The following CRACR2A variants were observed in gnomAD, a reference collection of about 807,000 sequenced individuals.
CRACR2A encodes the protein EF-hand calcium-binding domain-containing protein 4B.
In CRACR2A, 79 loss-of-function variants were observed where a neutral mutation model predicts 90.5. That is an observed-to-expected ratio of 0.87 (90% CI 0.73 to 1.05). The LOEUF is 1.05. Ranked by LOEUF, CRACR2A falls within the 50% of genes least tolerant of loss-of-function variation. The pLI, the probability that CRACR2A is intolerant of heterozygous loss-of-function variation, is 0.00. For synonymous variants in CRACR2A, 338 were observed against 356.7 expected, an observed-to-expected ratio of 0.95 and a Z score of 0.59; for missense variants, 823 against 897.2, an observed-to-expected ratio of 0.92 and a Z score of 1.06.
chr12:3,654,261 A>G lies in CRACR2A; in HGVS notation c.997T>C (p.Leu333=). 2 of 1,613,708 alleles carry G rather than the reference A, an allele frequency of 1.2e-6. No individual in the cohort carries two copies. The highest frequency in any genetic ancestry group is 1.7e-6 in the Non-Finnish European group (2 of 1,179,900). The part of the protein sequence containing the change: ...SWELQDAQQQ[L]ESLQQEACKL... ...CAGGCCTCTTGCTGGAGGCTTTCCA[A>G]CTGCTGCTGAGCATCCTGGAGCTCC... Residue 333 remains leucine, a synonymous_variant, in exon 10 of 20, where the codon TTG becomes CTG. Coordinates refer to ENST00000440314, the MANE Select transcript of CRACR2A (RefSeq NM_001144958.2).
intron 11 of CRACR2A, among the ~76,000 whole-genome samples, chr12:3,645,402 C>T (rs573242235): frequency 5.7e-4 from 87 of 152,066 alleles, no homozygotes; most frequent in African/African-American, 1.9e-3. Flanking sequence ...GGAGATGAAG[C>T]GAGAGAAAAA....
chr12:3,718,169 C>T (rs1388361750), intron 2 of CRACR2A, among the ~76,000 whole-genome samples: 1 of 152,176 alleles, frequency 6.6e-6, no homozygotes, highest in Non-Finnish European at 1.5e-5. Context: ...AGGGTATGAC[C>T]CATACTTAGT....
chr12:3,676,762 A>G (rs1478342641), intron 6 of CRACR2A, among the ~76,000 whole-genome samples: 1 of 152,158 alleles, frequency 6.6e-6, no homozygotes, highest in Non-Finnish European at 1.5e-5. Flanking sequence ...ATTACAGCAA[A>G]CCAAATGGAC....
At chr12:3,719,645 T>A (rs1239508506) in intron 2 of CRACR2A, among the ~76,000 whole-genome samples, 2 of 152,208 alleles carry the variant, frequency 1.3e-5, no homozygotes, top group Non-Finnish European at 2.9e-5. Flanking sequence ...CTCTGAGATA[T>A]TTAATACTAG....
chr12:3,620,796 G>A (rs1350219163), intron 17 of CRACR2A, among the ~76,000 whole-genome samples: 5 of 152,172 alleles, frequency 3.3e-5, no homozygotes, highest in South Asian at 2.1e-4. Context: ...ACTCAAAGGC[G>A]CTACAAGATC....
At chr12:3,728,718 A>G (rs1269197327) in intron 2 of CRACR2A, 1 of 152,312 alleles carries the variant, frequency 6.6e-6, no homozygotes, top group Non-Finnish European at 1.5e-5. Flanking sequence ...CAGGATAAAC[A>G]AATGGCCAGG....
chr12:3,676,955 C>A (rs1945346469), intron 6 of CRACR2A, among the ~76,000 whole-genome samples: 1 of 152,166 alleles, frequency 6.6e-6, no homozygotes, highest in African/African-American at 2.4e-5. Flanking sequence ...ATGGCAACAA[C>A]AACTTGCCCC....
chr12:3,708,463 C>T (rs540870018), intron 3 of CRACR2A, among the ~76,000 whole-genome samples: 9 of 152,180 alleles, frequency 5.9e-5, no homozygotes, highest in Non-Finnish European at 1.3e-4. Context: ...CTCACTCAGT[C>T]GCCCAGGCTG....
intron 3 of CRACR2A, among the ~76,000 whole-genome samples, chr12:3,710,368 C>A (rs991312290): frequency 6.6e-6 from 1 of 152,104 alleles, no homozygotes; most frequent in South Asian, 2.1e-4. Flanking sequence ...GGCCTATAAA[C>A]AATAGACATT....
At chr12:3,693,411 C>T (rs895589567) in intron 4 of CRACR2A, among the ~76,000 whole-genome samples, 2 of 152,202 alleles carry the variant, frequency 1.3e-5, no homozygotes, top group African/African-American at 4.8e-5. Flanking sequence ...ACAAGACCGC[C>T]CTGCAGAGTT....
intron 3 of CRACR2A, among the ~76,000 whole-genome samples, chr12:3,702,586 A>G (rs1056358651): frequency 6.6e-6 from 1 of 152,240 alleles, no homozygotes; most frequent in African/African-American, 2.4e-5. Context: ...CTGACAAAGG[A>G]TGTCTAATAC....
rs1309731878 is a variant in CRACR2A at position 3,746,577 on chromosome 12, G to T, written c.-387+6438C>A. ...CAGAACTGTGAGAAAATAAATTTCG[G>T]TTGTCTGTGATATTTTGTTCTGTCT... On this transcript the variant is annotated intron_variant, in intron 1 of 19. Coordinates refer to ENST00000440314, the MANE Select transcript of CRACR2A (RefSeq NM_001144958.2). This position sits in a 1 kb window ranked among gnomAD's most constrained non-coding sequence, Gnocchi z 4.4. Among the ~76,000 whole-genome samples, 3 of 152,206 alleles carry T rather than the reference G, an allele frequency of 2.0e-5. No homozygotes were observed. The highest frequency in any genetic ancestry group is 4.4e-5 in the Non-Finnish European group (3 of 68,030).
intron 1 of CRACR2A, among the ~76,000 whole-genome samples, chr12:3,735,762 C>T (rs1197435051): frequency 6.6e-6 from 1 of 152,194 alleles, no homozygotes; most frequent in African/African-American, 2.4e-5. Flanking sequence ...GAGAAGCCCC[C>T]GCAGCCCCTG....
At chr12:3,743,193 T>C (rs1946555617) in intron 1 of CRACR2A, among the ~76,000 whole-genome samples, 1 of 152,242 alleles carries the variant, frequency 6.6e-6, no homozygotes, top group South Asian at 2.1e-4. Flanking sequence ...TAGTTTGCGA[T>C]GTGTGACTAC....
intron 1 of CRACR2A, among the ~76,000 whole-genome samples, chr12:3,744,398 A>G (rs1334436176): frequency 6.6e-6 from 1 of 152,214 alleles, no homozygotes; most frequent in South Asian, 2.1e-4. Context: ...AGTAGACACT[A>G]ATGTGCCCAG....
intron 1 of CRACR2A, among the ~76,000 whole-genome samples, chr12:3,742,129 C>T (rs1057290020): frequency 2.0e-5 from 3 of 152,228 alleles, no homozygotes; most frequent in African/African-American, 7.2e-5. Flanking sequence ...ATGGGCAAAT[C>T]ATGAACAGCT....
intron 4 of CRACR2A, among the ~76,000 whole-genome samples, chr12:3,689,551 C>A (rs554403556): frequency 6.6e-6 from 1 of 152,176 alleles, no homozygotes; most frequent in Non-Finnish European, 1.5e-5. Context: ...CTTACTTGAT[C>A]ATGGTGAGTA....
At chr12:3,749,223 T>C (rs1169255843) in intron 1 of CRACR2A, among the ~76,000 whole-genome samples, 11 of 152,342 alleles carry the variant, frequency 7.2e-5, no homozygotes, top group Middle Eastern at 3.4e-3. Flanking sequence ...GCATTGCTCT[T>C]GTGAAGGTGA....
chr12:3,752,252 C>T (rs1247595369), intron 1 of CRACR2A, among the ~76,000 whole-genome samples: 3 of 152,158 alleles, frequency 2.0e-5, no homozygotes, highest in Non-Finnish European at 4.4e-5. Context: ...GATAAATGAA[C>T]TCAGAGGGCT....
Sources: gnomAD v4.1 joint callset for allele counts (sites outside exome capture counted in the v4.1 genomes callset) on GRCh38, gnomAD v4.1.1 for gene constraint, Gnocchi (gnomAD v3.1) non-coding constraint, MANE v1.5 for transcripts, NCBI Gene and HGNC (gene_info 2026-07-23, HGNC 2026-07-21) for gene names.